Variants in DLG2 observed in about 807,000 individuals in gnomAD.
The protein encoded by DLG2 is disks large homolog 2.
DLG2 carries 45 observed loss-of-function variants against 132.5 expected under a neutral mutation model. The ratio of observed to expected loss-of-function variants is 0.34; its 90% CI spans 0.27 to 0.44. The LOEUF is 0.44. DLG2 is among the 20% of genes least tolerant of loss of function. The pLI is 1.00. For missense variants in DLG2, 1,045 were observed against 1,196.9 expected, an observed-to-expected ratio of 0.87 and a Z score of 1.87; for synonymous variants, 424 against 419.6, an observed-to-expected ratio of 1.01 and a Z score of -0.13.
At chr11:85,380,119 T>A (rs571796864) in intron 3 of DLG2, among the ~76,000 whole-genome samples, 1 of 152,310 alleles carries the variant, frequency 6.6e-6, no homozygotes, top group South Asian at 2.1e-4. Context: ...TAACATTCAT[T>A]TGATGCATAA....
chr11:84,147,129 C>T (rs1372032142), intron 9 of DLG2, among the ~76,000 whole-genome samples: 3 of 152,034 alleles, frequency 2.0e-5, no homozygotes, highest in Non-Finnish European at 2.9e-5. Context: ...CATGTGACCA[C>T]CAAGATAGTT....
intron 3 of DLG2, among the ~76,000 whole-genome samples, chr11:85,448,064 G>C (rs375095296): frequency 6.6e-6 from 1 of 152,082 alleles, no homozygotes; most frequent in African/African-American, 2.4e-5. Context: ...TCTTAGCCTC[G>C]ATTGCTAATA....
At chr11:84,372,998 G>GAACTT (rs1391951461) in intron 7 of DLG2, among the ~76,000 whole-genome samples, 1 of 151,698 alleles carries the variant, frequency 6.6e-6, no homozygotes, top group East Asian at 1.9e-4. Context: ...TGTGAATAAT[G>GAACTT]AACTTAACTA....
At chr11:84,077,617 G>C (rs1163582797) in intron 10 of DLG2, among the ~76,000 whole-genome samples, 2 of 152,128 alleles carry the variant, frequency 1.3e-5, no homozygotes. Context: ...TTAAATAGTA[G>C]CAAAGGATAT....
At chr11:85,203,112 T>C (rs1389718170) in intron 4 of DLG2, among the ~76,000 whole-genome samples, 2 of 151,258 alleles carry the variant, frequency 1.3e-5, no homozygotes, top group Non-Finnish European at 3.0e-5. Flanking sequence ...TTTTCTACTT[T>C]CATTTTCCAT....
At chr11:83,916,310 T>A (rs2076914478) in intron 15 of DLG2, among the ~76,000 whole-genome samples, 1 of 150,968 alleles carries the variant, frequency 6.6e-6, no homozygotes, top group African/African-American at 2.4e-5. Flanking sequence ...AATTTAGGGT[T>A]TTTTTTTTGT....
intron 8 of DLG2, among the ~76,000 whole-genome samples, chr11:84,195,750 T>C (rs972175211): frequency 2.6e-5 from 4 of 152,218 alleles, no homozygotes; most frequent in African/African-American, 9.6e-5. Flanking sequence ...ACCTCCCCAG[T>C]GTAAGCCAGG....
chr11:85,476,693 G>A (rs902833895), intron 3 of DLG2, among the ~76,000 whole-genome samples: 32 of 151,998 alleles, frequency 2.1e-4, no homozygotes, highest in African/African-American at 7.5e-4. Context: ...ATGAGGTCAG[G>A]AATATCAGTA....
At chr11:83,870,238 T>C (rs1156805675) in intron 16 of DLG2, among the ~76,000 whole-genome samples, 1 of 152,220 alleles carries the variant, frequency 6.6e-6, no homozygotes, top group South Asian at 2.1e-4. Flanking sequence ...AACAGAATAA[T>C]GTACATTTTA....
chr11:84,034,813 G>A (rs1372251042), intron 11 of DLG2, among the ~76,000 whole-genome samples: 1 of 152,142 alleles, frequency 6.6e-6, no homozygotes, highest in Non-Finnish European at 1.5e-5. Context: ...TGGTGTCCTG[G>A]AATTGAGTGT....
chr11:84,387,120 A>G (rs1235442621), intron 7 of DLG2, among the ~76,000 whole-genome samples: 1 of 151,954 alleles, frequency 6.6e-6, no homozygotes, highest in Non-Finnish European at 1.5e-5. Flanking sequence ...GAAGCAGTTG[A>G]GTCCCAGGTC....
At chr11:85,474,929 C>G (rs1047493970) in intron 3 of DLG2, among the ~76,000 whole-genome samples, 8 of 150,930 alleles carry the variant, frequency 5.3e-5, no homozygotes, top group Non-Finnish European at 7.4e-5. Context: ...AATGAACAAG[C>G]AAAGTTCCTA....
intron 3 of DLG2, among the ~76,000 whole-genome samples, chr11:85,454,508 C>T (rs1252614663): frequency 1.3e-5 from 2 of 151,980 alleles, no homozygotes; most frequent in South Asian, 2.1e-4. Context: ...TATAGTTTCT[C>T]GTGCTGTGCA....
intron 11 of DLG2, among the ~76,000 whole-genome samples, chr11:83,985,644 G>C (rs142094618): frequency 6.6e-6 from 1 of 152,038 alleles, no homozygotes; most frequent in Admixed American, 6.6e-5. Context: ...TGCTGAGAAT[G>C]ATGGCTTCCA....
chr11:83,990,934 C>A (rs966835210), intron 11 of DLG2, among the ~76,000 whole-genome samples: 2 of 151,984 alleles, frequency 1.3e-5, no homozygotes, highest in African/African-American at 4.8e-5. Context: ...GAGAAAACAC[C>A]CACCCTCACA....
intron 18 of DLG2, among the ~76,000 whole-genome samples, chr11:83,785,887 A>G (rs2095037486): frequency 6.6e-6 from 1 of 152,242 alleles, no homozygotes; most frequent in Admixed American, 6.5e-5. Context: ...ACCAAAAGCA[A>G]TGCGCTTCAT....
chr11:85,440,825 G>T (rs551728610), intron 3 of DLG2, among the ~76,000 whole-genome samples: 6 of 152,210 alleles, frequency 3.9e-5, no homozygotes, highest in African/African-American at 1.4e-4. Flanking sequence ...TATAGGCTCT[G>T]GTGTTATAAA....
chr11:85,457,670 G>C (rs1032192699), intron 3 of DLG2, among the ~76,000 whole-genome samples: 10 of 152,084 alleles, frequency 6.6e-5, no homozygotes, highest in African/African-American at 2.4e-4. Flanking sequence ...TTGTCTGAAA[G>C]GGATTTTATT....
chr11:83,490,751 CAAATATGTCAATGTCATGAAAACTATA>C (rs1225435314), intron 21 of DLG2, among the ~76,000 whole-genome samples: 8 of 151,722 alleles, frequency 5.3e-5, no homozygotes, highest in South Asian at 2.1e-4. Flanking sequence ...GTATTTCTGC[CAAATATGTCAATGTCATGAAAACTATA>C]AAATATGTCA....
Sources: allele counts gnomAD v4.1 joint callset (sites outside exome capture counted in the v4.1 genomes callset), GRCh38; gene constraint gnomAD v4.1.1; transcripts MANE v1.5; gene names NCBI Gene and HGNC (gene_info 2026-07-23, HGNC 2026-07-21).